The following NEURL1B variants were observed in gnomAD, a reference collection of about 807,000 sequenced individuals.
The protein encoded by NEURL1B is neuralized E3 ubiquitin protein ligase 1B.
Under a neutral mutation model 37.4 loss-of-function variants are expected in NEURL1B, and 13 were observed. That is an observed-to-expected ratio of 0.35 (90% CI 0.23 to 0.55). The LOEUF (loss-of-function observed/expected upper bound fraction) is 0.55, where lower values mean the gene tolerates loss of function less well. Ranked by LOEUF, NEURL1B falls within the 20% of genes least tolerant of loss-of-function variation. The pLI is 0.89. For synonymous variants in NEURL1B, 432 were observed against 426.6 expected (o/e 1.01, Z -0.16); for missense variants, 790 against 879.2 (o/e 0.90, Z 1.28).
At chr5:172,653,838 A>G (rs1017361811) in intron 1 of NEURL1B, among the ~76,000 whole-genome samples, 1 of 152,174 alleles carries the variant, frequency 6.6e-6, no homozygotes, top group African/African-American at 2.4e-5. Flanking sequence ...ATTCCCTTTT[A>G]TAACACATTT....
At chr5:172,660,587 G>A (rs1176802153) in intron 1 of NEURL1B, among the ~76,000 whole-genome samples, 1 of 152,202 alleles carries the variant, frequency 6.6e-6, no homozygotes, top group Non-Finnish European at 1.5e-5. Flanking sequence ...TCTCCTGAGT[G>A]CCTGTCACTG....
In NEURL1B at chr5:172,676,365, G is replaced by A. The variant is rs551128615; in HGVS notation, c.577+6035G>A. Among the ~76,000 whole-genome samples, 1 of 152,194 alleles carries A rather than the reference G, an allele frequency of 6.6e-6. No individual in the cohort carries two copies. Among genetic ancestry groups the A allele is most frequent in the African/African-American group, 2.4e-5 (1 of 41,440 alleles). On this transcript the variant is annotated intron_variant, in intron 2 of 4. Coordinates refer to ENST00000369800, the MANE Select transcript of NEURL1B (RefSeq NM_001142651.3). The surrounding 1 kb of genome is among the most constrained non-coding windows in gnomAD (Gnocchi z 4.5). ...GGAGGAAAGGCCACCAGCATTTCCAGTCTTGCATCCCACGAGCTTAACAAA... is the reference window on the plus strand; with the variant it reads ...GGAGGAAAGGCCACCAGCATTTCCAATCTTGCATCCCACGAGCTTAACAAA...
At chr5:172,646,117 G>T (rs1225367862) in intron 1 of NEURL1B, among the ~76,000 whole-genome samples, 1 of 152,214 alleles carries the variant, frequency 6.6e-6, no homozygotes, top group African/African-American at 2.4e-5. Flanking sequence ...GCCGTTGAGA[G>T]TTGGAAGGCC....
chr5:172,684,387 C>G (rs143383847), intron 3 of NEURL1B, among the ~76,000 whole-genome samples: 1,948 of 152,122 alleles, frequency 0.013, 27 homozygotes, highest in Non-Finnish European at 0.017. Context: ...GACAAGTGCC[C>G]GGAGATGCTG....
intron 2 of NEURL1B, among the ~76,000 whole-genome samples, chr5:172,672,403 G>A (rs371986040): frequency 1.4e-4 from 21 of 152,202 alleles, no homozygotes; most frequent in East Asian, 7.7e-4. Context: ...CTCATTTGCA[G>A]CCCATGTCTT....
In NEURL1B at chr5:172,690,136, A is replaced by C. The variant is rs142679215; in HGVS notation, c.*3211A>C. On this transcript the variant is annotated 3_prime_UTR_variant, in exon 5 of 5. Transcript: ENST00000369800. ...CCACAGCAGCCAGGGCTCCAGGGCG[A>C]GGACAGGGGACACCTGAAAACACCC... is the stretch of plus-strand genomic sequence containing the variant. The C allele has an allele frequency of 5.1e-4, 78 of 152,496 alleles. No homozygotes were observed. Among genetic ancestry groups the C allele is most frequent in the African/African-American group, 1.7e-3 (72 of 41,584 alleles). The allele number at this position is 152,496 out of a possible 1,614,324, so 9.4% of individuals were successfully genotyped here.
Position 172,647,891 on chromosome 5 carries a change from C to G in NEURL1B, c.31+6454C>G, listed in dbSNP as rs1171442316. Among the ~76,000 whole-genome samples the G allele has an allele frequency of 4.6e-5, 7 of 152,156 alleles. No individual in the cohort carries two copies. In the South Asian group the frequency reaches 1.4e-3, roughly 31 times the overall value. On this transcript the variant is annotated intron_variant, in intron 1 of 4. Coordinates refer to ENST00000369800, the MANE Select transcript of NEURL1B (RefSeq NM_001142651.3). The surrounding 1 kb of genome is among the most constrained non-coding windows in gnomAD (Gnocchi z 4.2). ...AAAAACTGGCCCATGCTGACACCCC[C>G]AGCCCCCAATGGCAAGCATCACAGT...
rs1758097454 is a variant in NEURL1B, at chr5:172,670,247, T to C, written c.494T>C (p.Leu165Pro). 7.1e-7 allele frequency: 1 copy of C among 1,400,582 alleles called. No homozygotes were observed. The highest frequency in any genetic ancestry group is 1.6e-5 in the South Asian group (1 of 63,658). The allele number at this position is 1,400,582 out of a possible 1,614,324, so 86.8% of individuals were successfully genotyped here. The part of the protein sequence containing the change: ...FYSVNDGEPV[L>P]FHCGVAVGGP... ...AGCGTGAACGACGGCGAGCCGGTGC[T>C]CTTCCACTGCGGCGTGGCCGTGGGC... The change falls in exon 2 of 5, where the codon CTC becomes CCC. Residue 165 changes from leucine to proline, a missense_variant. Leu to Pro is a moderately conservative substitution (Grantham distance 98). Transcript: ENST00000369800.
At position 172,686,509 on chromosome 5, in the gene NEURL1B, G is replaced by C. The variant is rs1758499951; in HGVS notation, c.1424-172G>C. ...GGTGGCATTTTATCTTGGTGTTTGG[G>C]AGTAGAAGAGTAGAGAAAGGTGCAA... On this transcript the variant is annotated intron_variant, in intron 4 of 4. Coordinates refer to ENST00000369800, the MANE Select transcript of NEURL1B (RefSeq NM_001142651.3). The surrounding 1 kb of genome is among the most constrained non-coding windows in gnomAD (Gnocchi z 7.9). Among the ~76,000 whole-genome samples, 1 of 152,192 alleles carries C rather than the reference G, an allele frequency of 6.6e-6. No individual in the cohort carries two copies. The highest frequency in any genetic ancestry group is 2.1e-4 in the South Asian group (1 of 4,828).
rs1311078548 is a variant in NEURL1B, at chr5:172,641,405, C to G, written c.-2C>G. 7.3e-7 allele frequency: 1 copy of G among 1,371,602 alleles called. No individual in the cohort carries two copies. Among genetic ancestry groups the G allele is most frequent in the South Asian group, 1.7e-5 (1 of 60,058 alleles). 85.0% of individuals were successfully genotyped at this position (1,371,602 alleles called of 1,614,324 possible). On this transcript the variant is annotated 5_prime_UTR_variant, in exon 1 of 5. Transcript: ENST00000369800. This position sits in a 1 kb window ranked among gnomAD's most constrained non-coding sequence, Gnocchi z 6.4. ...GCCGCCAACGCCGCGCCCGACGCAG[C>G]GATGGGCAACACGGTGCACCGGACC...
At chr5:172,680,382 G>A (rs1446750681) in intron 2 of NEURL1B, among the ~76,000 whole-genome samples, 1 of 151,996 alleles carries the variant, frequency 6.6e-6, no homozygotes, top group Admixed American at 6.6e-5. Context: ...ATGGGCTCCT[G>A]TGTGGAGCCG....
At position 172,684,913 on chromosome 5, in the gene NEURL1B, G is replaced by A. The variant is rs541137235; in HGVS notation, c.1297+775G>A. Among the ~76,000 whole-genome samples the A allele has an allele frequency of 9.8e-5, 15 of 152,306 alleles. No homozygotes were observed. The South Asian group carries it at 2.9e-3, about 29-fold the overall frequency. On this transcript the variant is annotated intron_variant, in intron 3 of 4. Transcript: ENST00000369800. ...CCAGAGAGCCTGGCTCCAACTTCAT[G>A]GCTCAAAAAGTAGAGTCCAAGCAAT... is the stretch of plus-strand genomic sequence containing the variant.
chr5:172,663,818 G>A (rs1340926561), intron 1 of NEURL1B, among the ~76,000 whole-genome samples: 1 of 52,552 alleles, frequency 1.9e-5, no homozygotes, highest in Non-Finnish European at 4.9e-5. Flanking sequence ...TGGCAAAAGA[G>A]GTTTTATTTG....
At chr5:172,653,069 A>C (rs1757698637) in intron 1 of NEURL1B, among the ~76,000 whole-genome samples, 1 of 152,142 alleles carries the variant, frequency 6.6e-6, no homozygotes, top group Non-Finnish European at 1.5e-5. Context: ...TTTGATGAGA[A>C]CGTGATCGCC....
intron 1 of NEURL1B, among the ~76,000 whole-genome samples, chr5:172,648,120 T>C (rs1391850869): frequency 6.6e-6 from 1 of 152,222 alleles, no homozygotes; most frequent in Non-Finnish European, 1.5e-5. Context: ...CCGCACAGGC[T>C]GGAGTCCTTC....
Position 172,683,929 on chromosome 5 carries a change from T to C in NEURL1B, c.1088T>C (p.Leu363Pro). ...CTGCCCGCCGACCCAGACGCGCTGC[T>C]CGACCGCAAAGAGTACTGGGTGGTG... ...NELPADPDAL[L>P]DRKEYWVVAR... The change falls in exon 3 of 5, where the codon CTC becomes CCC. Residue 363 changes from leucine to proline, a missense_variant. Coordinates refer to ENST00000369800, the MANE Select transcript of NEURL1B (RefSeq NM_001142651.3). The surrounding 1 kb of genome is among the most constrained non-coding windows in gnomAD (Gnocchi z 5.6). 7.1e-7 allele frequency: 1 copy of C among 1,406,694 alleles called. No homozygotes were observed. The highest frequency in any genetic ancestry group is 9.3e-7 in the Non-Finnish European group (1 of 1,074,844). 87.1% of individuals were successfully genotyped at this position (1,406,694 alleles called of 1,614,324 possible).
intron 1 of NEURL1B, among the ~76,000 whole-genome samples, chr5:172,645,125 C>A (rs916843315): frequency 1.3e-5 from 2 of 152,128 alleles, no homozygotes; most frequent in Non-Finnish European, 2.9e-5. Context: ...TATATCAAGC[C>A]CTTGGTCAAG....
Position 172,684,071 on chromosome 5 carries a change from C to T in NEURL1B, c.1230C>T (p.Asp410=). The stretch of plus-strand genomic sequence containing the variant: ...CGCGCGGCCGCCTGCTGTGCGTCGA[C>T]ACCACGCAGGCGCTCTGGGCCTTCT... ...GRPRGRLLCV[D]TTQALWAFFA... Residue 410 remains aspartate, a synonymous_variant, in exon 3 of 5, where the codon GAC becomes GAT. Transcript: ENST00000369800. The T allele has an allele frequency of 1.5e-6, 2 of 1,321,586 alleles. No individual in the cohort carries two copies. The highest frequency in any genetic ancestry group is 1.9e-6 in the Non-Finnish European group (2 of 1,035,072). The allele number at this position is 1,321,586 out of a possible 1,614,324, so 81.9% of individuals were successfully genotyped here.
rs182532960 is a variant in NEURL1B at position 172,657,693 on chromosome 5, C to T, written c.32-12092C>T. Among the ~76,000 whole-genome samples, 11 of 152,154 alleles carry T rather than the reference C, an allele frequency of 7.2e-5. No homozygotes were observed. The highest frequency in any genetic ancestry group is 1.9e-4 in the African/African-American group (8 of 41,510). On this transcript the variant is annotated intron_variant, in intron 1 of 4. Coordinates refer to ENST00000369800, the MANE Select transcript of NEURL1B (RefSeq NM_001142651.3). The surrounding 1 kb of genome is among the most constrained non-coding windows in gnomAD (Gnocchi z 4.0). Reference sequence around the variant, plus strand: ...AAGGCACCTGTTACTTAGCCGACCACGAAAGGGAGTCTCCTTTCCTTGGAG... The same window carrying T: ...AAGGCACCTGTTACTTAGCCGACCATGAAAGGGAGTCTCCTTTCCTTGGAG...
Sources: gnomAD v4.1 joint callset for allele counts (sites outside exome capture counted in the v4.1 genomes callset) on GRCh38, gnomAD v4.1.1 for gene constraint, Gnocchi (gnomAD v3.1) non-coding constraint, MANE v1.5 for transcripts, NCBI Gene and HGNC (gene_info 2026-07-23, HGNC 2026-07-21) for gene names.